AFF1: variants seen among roughly 807,000 people sequenced by gnomAD.
AFF1 encodes AF4/FMR2 family member 1.
A neutral mutation model predicts 121.7 loss-of-function variants in AFF1; 48 were observed. That is an observed-to-expected ratio of 0.39 (90% CI 0.31 to 0.50). The LOEUF is 0.50. Ranked by LOEUF, AFF1 falls within the 20% of genes least tolerant of loss-of-function variation. The pLI, the probability that AFF1 is intolerant of heterozygous loss-of-function variation, is 0.76. For synonymous variants in AFF1, 613 were observed against 563.0 expected, an observed-to-expected ratio of 1.09 and a Z score of -1.26; for missense variants, 1,523 against 1,511.7, an observed-to-expected ratio of 1.01 and a Z score of -0.12.
intron 2 of AFF1, among the ~76,000 whole-genome samples, chr4:86,985,550 C>T (rs928837971): frequency 6.7e-6 from 1 of 149,302 alleles, no homozygotes; most frequent in African/African-American, 2.5e-5. Context: ...GTGGCAGGTG[C>T]CTGTAATCTC....
intron 2 of AFF1, among the ~76,000 whole-genome samples, chr4:87,038,825 T>C (rs1729822770): frequency 6.6e-6 from 1 of 152,212 alleles, no homozygotes; most frequent in African/African-American, 2.4e-5. Context: ...CTTATGAAGA[T>C]AAATATATAG....
At chr4:87,050,778 C>T (rs1282484351) in intron 4 of AFF1, among the ~76,000 whole-genome samples, 1 of 152,192 alleles carries the variant, frequency 6.6e-6, no homozygotes, top group Non-Finnish European at 1.5e-5. Flanking sequence ...AGGCCCAGAA[C>T]TCCGCGATCT....
intron 4 of AFF1, among the ~76,000 whole-genome samples, chr4:87,051,554 G>A (rs947249093): frequency 1.6e-4 from 24 of 151,920 alleles, no homozygotes; most frequent in Admixed American, 2.6e-4. Context: ...TCCACCTCCC[G>A]GGTTCAAGCG....
At chr4:86,944,989 G>C (rs1720750168) in intron 1 of AFF1, among the ~76,000 whole-genome samples, 1 of 152,320 alleles carries the variant, frequency 6.6e-6, no homozygotes, top group East Asian at 1.9e-4. Flanking sequence ...GAGGACTATA[G>C]AAAGGTCACT....
At chr4:87,065,987 G>C (rs1332733334) in intron 4 of AFF1, among the ~76,000 whole-genome samples, 2 of 152,130 alleles carry the variant, frequency 1.3e-5, no homozygotes, top group Non-Finnish European at 2.9e-5. Flanking sequence ...TAGATATATA[G>C]GTTCAAAGGA....
At chr4:87,007,108 G>C (rs939990727) in intron 2 of AFF1, 3 of 1,266,448 alleles carry the variant, frequency 2.4e-6, no homozygotes, top group Non-Finnish European at 3.0e-6. Context: ...ACTGCGCCGG[G>C]GGCGCTCGCT....
chr4:86,984,950 A>T (rs547365030), intron 2 of AFF1, among the ~76,000 whole-genome samples: 80 of 151,764 alleles, frequency 5.3e-4, no homozygotes, highest in South Asian at 4.4e-3. Context: ...GACAAATCTT[A>T]AAGTGTTCTC....
At chr4:87,066,155 G>T (rs865944137) in intron 4 of AFF1, among the ~76,000 whole-genome samples, 1 of 152,142 alleles carries the variant, frequency 6.6e-6, no homozygotes, top group African/African-American at 2.4e-5. Flanking sequence ...CTTATTGATT[G>T]GCACTGTGGG....
chr4:87,035,329 A>G (rs940769218), intron 2 of AFF1, among the ~76,000 whole-genome samples: 6 of 152,156 alleles, frequency 3.9e-5, no homozygotes, highest in African/African-American at 1.2e-4. Flanking sequence ...TGGGAGGCCG[A>G]GGAGGGCAGA....
At chr4:86,982,165 A>G (rs1291337171) in intron 2 of AFF1, among the ~76,000 whole-genome samples, 1 of 152,226 alleles carries the variant, frequency 6.6e-6, no homozygotes. Flanking sequence ...GAGGAAAAGG[A>G]TGAAGATGTC....
intron 1 of AFF1, among the ~76,000 whole-genome samples, chr4:86,944,948 A>G (rs945454642): frequency 6.6e-6 from 1 of 152,238 alleles, no homozygotes; most frequent in Admixed American, 6.5e-5. Context: ...TGACATTTTA[A>G]TTTCTGAATA....
chr4:86,985,474 C>G (rs1724172878), intron 2 of AFF1, among the ~76,000 whole-genome samples: 1 of 148,520 alleles, frequency 6.7e-6, no homozygotes, highest in Non-Finnish European at 1.5e-5. Context: ...TCATTGCACT[C>G]CAGCCCGGGC....
In AFF1 at chr4:87,132,276, G is replaced by A. The variant is rs754441802; in HGVS notation, c.3179G>A (p.Arg1060His). ...ACTTCTGTCTTTGTTCATAGCATGCGTTGCCAGTCCATTTTGAACATGGCG... is the reference window on the plus strand; with the variant it reads ...ACTTCTGTCTTTGTTCATAGCATGCATTGCCAGTCCATTTTGAACATGGCG... ...QEKIFAVLCM[R>H]CQSILNMAMF... Residue 1060 changes from arginine (R) to histidine (H), a missense_variant, in exon 19 of 21, where the codon CGT becomes CAT. Arg to His is a conservative substitution (Grantham distance 29). This residue lies in a region of AFF1 where 241 missense variants were observed against 265.2 expected (regional missense o/e 0.91). Transcript: ENST00000395146. The A allele has an allele frequency of 3.7e-6, 6 of 1,611,870 alleles. No homozygotes were observed. Among genetic ancestry groups the A allele is most frequent in the Admixed American group, 3.4e-5 (2 of 59,440 alleles).
chr4:87,006,849 G>C (rs531287194), intron 2 of AFF1: 4 of 593,414 alleles, frequency 6.7e-6, no homozygotes, highest in African/African-American at 6.0e-5. Context: ...CCCCCTACCC[G>C]ACCCTGCCTG....
chr4:86,949,534 ATTATTTTTT>A lies in AFF1; in HGVS notation c.38+966_38+974del, dbSNP rs370022775. On this transcript the variant is annotated intron_variant, in intron 2 of 20. Transcript: ENST00000395146. Reference sequence around the variant, plus strand: ...TTTCTATTTATTAATTATTATTATTATTATTTTTTTTTTTTTTTTTTTCCCGACTGGGGC... The same window carrying A: ...TTTCTATTTATTAATTATTATTATTATTTTTTTTTTTTTCCCGACTGGGGC... The A allele has an allele frequency of 0.025, 8,807 of 347,060 alleles. 715 individuals carry two copies. The African/African-American group carries it at 0.26, about 10-fold the overall frequency. 21.5% of individuals were successfully genotyped at this position (347,060 alleles called of 1,614,324 possible).
intron 2 of AFF1, among the ~76,000 whole-genome samples, chr4:86,972,578 C>A (rs1432651657): frequency 2.6e-5 from 4 of 152,118 alleles, no homozygotes; most frequent in Non-Finnish European, 5.9e-5. Flanking sequence ...CACTGTATTG[C>A]CCAGGCTGGA....
At chr4:87,132,138 A>G in intron 18 of AFF1, 133 bp from the exon 19 acceptor site, 2 of 1,002,564 alleles carry the variant, frequency 2.0e-6, no homozygotes, top group Non-Finnish European at 2.9e-6. Context: ...TGAACAGAGC[A>G]GTAAGATACT....
At chr4:86,949,088 C>A (rs998692186) in intron 2 of AFF1, among the ~76,000 whole-genome samples, 2 of 151,854 alleles carry the variant, frequency 1.3e-5, no homozygotes, top group African/African-American at 4.8e-5. Flanking sequence ...AGCAGTTTTA[C>A]ATAATAACTC....
rs775078274 is a variant in AFF1 at position 87,127,634 on chromosome 4, CTT to C, written c.2904-5_2904-4del. 2.5e-6 allele frequency: 4 copies of C among 1,613,746 alleles called. No homozygotes were observed. The highest frequency in any genetic ancestry group is 3.4e-6 in the Non-Finnish European group (4 of 1,179,936). ...ATATGACCTGTCCCTGGTTTTTCCT[CTT>C]TTTCAGACAACAAGCAGACCTTCAC... On this transcript the variant is annotated splice_region_variant and splice_polypyrimidine_tract_variant and intron_variant, in intron 15 of 20. Coordinates refer to ENST00000395146, the MANE Select transcript of AFF1 (RefSeq NM_001166693.3).
Sources: allele counts gnomAD v4.1 joint callset (sites outside exome capture counted in the v4.1 genomes callset), GRCh38; gene constraint gnomAD v4.1.1; regional missense constraint gnomAD v4.1.1; transcripts MANE v1.5; gene names NCBI Gene and HGNC (gene_info 2026-07-23, HGNC 2026-07-21).